NAA11: variants seen among roughly 807,000 people sequenced by gnomAD.
NAA11 encodes the protein N-alpha-acetyltransferase 11.
Under a neutral mutation model 16.1 loss-of-function variants are expected in NAA11, and 15 were observed. That is an observed-to-expected ratio of 0.93 (90% CI 0.62 to 1.44). The LOEUF is 1.44. NAA11 is among the 40% of genes most tolerant of loss of function. The pLI is 0.00. For synonymous variants in NAA11, 122 were observed against 112.4 expected, an observed-to-expected ratio of 1.09 and a Z score of -0.54; for missense variants, 298 against 291.3, an observed-to-expected ratio of 1.02 and a Z score of -0.17.
At chr4:79,289,840 T>A (rs1320914388) in intron 2 of NAA11, among the ~76,000 whole-genome samples, 1 of 152,156 alleles carries the variant, frequency 6.6e-6, no homozygotes, top group Non-Finnish European at 1.5e-5. Flanking sequence ...GGATAAACTT[T>A]GGATTTTTAC....
chr4:79,167,927 T>C, the NAA11 span, among the ~76,000 whole-genome samples: 26 of 152,186 alleles, frequency 1.7e-4, no homozygotes, highest in Non-Finnish European at 2.9e-4. Flanking sequence ...AACGTGCAGG[T>C]TTGTTACATA....
At chr4:79,252,876 C>G (rs566542363) in intron 2 of NAA11, among the ~76,000 whole-genome samples, 1 of 152,180 alleles carries the variant, frequency 6.6e-6, no homozygotes, top group African/African-American at 2.4e-5. Flanking sequence ...AATGTTTAAG[C>G]AAGGAAAAGT....
At chr4:79,195,336 C>T in the NAA11 span, among the ~76,000 whole-genome samples, 2 of 152,084 alleles carry the variant, frequency 1.3e-5, no homozygotes, top group South Asian at 4.1e-4. Flanking sequence ...ATTCTCTAAA[C>T]TCTACGTGGG....
intron 2 of NAA11, among the ~76,000 whole-genome samples, chr4:79,288,174 G>A (rs1432620521): frequency 6.6e-6 from 1 of 152,122 alleles, no homozygotes; most frequent in Non-Finnish European, 1.5e-5. Flanking sequence ...AGAATTGTTT[G>A]CTGTTTTCCT....
the NAA11 span, among the ~76,000 whole-genome samples, chr4:79,207,951 T>C: frequency 6.6e-6 from 1 of 152,162 alleles, no homozygotes; most frequent in Non-Finnish European, 1.5e-5. Flanking sequence ...TGTAGGTGGG[T>C]ATCAAACATT....
At chr4:79,249,935 T>C (rs1721955857) in intron 2 of NAA11, among the ~76,000 whole-genome samples, 1 of 152,224 alleles carries the variant, frequency 6.6e-6, no homozygotes, top group Non-Finnish European at 1.5e-5. Flanking sequence ...AACCTAGGCA[T>C]CCAGGTTCTT....
At chr4:79,209,951 TA>T in the NAA11 span, among the ~76,000 whole-genome samples, 1 of 151,910 alleles carries the variant, frequency 6.6e-6, no homozygotes, top group East Asian at 1.9e-4. Context: ...TAGGCTGAGG[TA>T]AGAGAATCGC....
At chr4:79,287,264 A>G (rs1722962614) in intron 2 of NAA11, among the ~76,000 whole-genome samples, 1 of 152,256 alleles carries the variant, frequency 6.6e-6, no homozygotes, top group East Asian at 1.9e-4. Context: ...TAGACTCAGG[A>G]GTCAAACAGA....
At chr4:79,165,715 T>G in the NAA11 span, among the ~76,000 whole-genome samples, 1 of 152,334 alleles carries the variant, frequency 6.6e-6, no homozygotes, top group African/African-American at 2.4e-5. Context: ...CAAAATGGGC[T>G]GCAGAGACTG....
chr4:79,206,698 A>T, the NAA11 span, among the ~76,000 whole-genome samples: 1 of 152,138 alleles, frequency 6.6e-6, no homozygotes, highest in Non-Finnish European at 1.5e-5. Flanking sequence ...GCCAGTCAAG[A>T]CAAATACAGA....
chr4:79,294,593 G>T (rs1723166756), intron 1 of NAA11, among the ~76,000 whole-genome samples: 1 of 152,072 alleles, frequency 6.6e-6, no homozygotes, highest in African/African-American at 2.4e-5. Flanking sequence ...TCTAATATTT[G>T]CTAGGAAAGA....
At chr4:79,282,530 G>T (rs1224750857) in intron 2 of NAA11, among the ~76,000 whole-genome samples, 1 of 151,332 alleles carries the variant, frequency 6.6e-6, no homozygotes, top group Non-Finnish European at 1.5e-5. Context: ...GGGAAGGAAA[G>T]GTTTTCTAAA....
chr4:79,219,305 G>A, the NAA11 span, among the ~76,000 whole-genome samples: 4 of 152,062 alleles, frequency 2.6e-5, no homozygotes, highest in Non-Finnish European at 5.9e-5. Context: ...GATGGACCTT[G>A]CTCCATTTCC....
downstream of NAA11, among the ~76,000 whole-genome samples, chr4:79,223,594 A>G (rs1195529700): frequency 6.6e-6 from 1 of 150,874 alleles, no homozygotes; most frequent in African/African-American, 2.4e-5. Flanking sequence ...ATGTATACAT[A>G]TGTAACTAAC....
the NAA11 span, among the ~76,000 whole-genome samples, chr4:79,218,211 C>T: frequency 6.6e-6 from 1 of 152,104 alleles, no homozygotes; most frequent in African/African-American, 2.4e-5. Context: ...TGTGTCCTCA[C>T]TCAGCTAGAC....
chr4:79,202,806 T>TA, the NAA11 span, among the ~76,000 whole-genome samples: 1 of 150,494 alleles, frequency 6.6e-6, no homozygotes, highest in South Asian at 2.1e-4. Flanking sequence ...TTTCTATGGC[T>TA]ATTTAGATTT....
intron 2 of NAA11, among the ~76,000 whole-genome samples, chr4:79,239,246 T>G (rs556843626): frequency 2.0e-5 from 3 of 152,214 alleles, no homozygotes; most frequent in Non-Finnish European, 2.9e-5. Flanking sequence ...TAACATTATA[T>G]GAACATAACT....
chr4:79,274,308 G>T (rs1031005849), intron 2 of NAA11, among the ~76,000 whole-genome samples: 1 of 152,016 alleles, frequency 6.6e-6, no homozygotes, highest in Non-Finnish European at 1.5e-5. Flanking sequence ...TTACTACTGA[G>T]CTGTGAAGAA....
In NAA11 at chr4:79,257,386, A is replaced by G. The variant is rs1210876297; in HGVS notation, c.*123-31116T>C. The stretch of plus-strand genomic sequence containing the variant: ...TTTGGGGTATGCAGTATGAAGTTTT[A>G]AAGTGTAGTTTCAAAATTTTAAAAA... On this transcript the variant is annotated intron_variant and NMD_transcript_variant, in intron 2 of 2. Coordinates refer to the NAA11 transcript ENST00000511542. Among the ~76,000 whole-genome samples, 3 of 152,164 alleles carry G rather than the reference A, an allele frequency of 2.0e-5. No individual in the cohort carries two copies. In the East Asian group the frequency reaches 5.8e-4, roughly 29 times the overall value.
Sources: allele counts gnomAD v4.1 joint callset (sites outside exome capture counted in the v4.1 genomes callset), GRCh38; gene constraint gnomAD v4.1.1; transcripts MANE v1.5; gene names NCBI Gene and HGNC (gene_info 2026-07-23, HGNC 2026-07-21).